TANC2: variants seen among roughly 807,000 people sequenced by gnomAD.
TANC2 encodes the protein tetratricopeptide repeat, ankyrin repeat and coiled-coil containing 2.
Under a neutral mutation model 210.5 loss-of-function variants are expected in TANC2, and 26 were observed. The observed-to-expected ratio is 0.12, with a 90% CI of 0.09 to 0.17. The LOEUF is 0.17. Ranked by LOEUF, TANC2 falls within the 10% of genes least tolerant of loss-of-function variation. The pLI is 1.00. For synonymous variants in TANC2, 931 were observed against 967.1 expected, an observed-to-expected ratio of 0.96 and a Z score of 0.69; for missense variants, 2,129 against 2,608.9, an observed-to-expected ratio of 0.82 and a Z score of 4.01.
chr17:63,241,691 C>T (rs748725025), intron 8 of TANC2, among the ~76,000 whole-genome samples: 7 of 152,132 alleles, frequency 4.6e-5, no homozygotes, highest in African/African-American at 1.4e-4. Context: ...AGTCACCCCT[C>T]GGCGATGCAT....
chr17:63,392,379 A>G (rs1348449483), intron 17 of TANC2, among the ~76,000 whole-genome samples: 4 of 152,102 alleles, frequency 2.6e-5, no homozygotes, highest in Non-Finnish European at 2.9e-5. Context: ...TGGATTTTCA[A>G]AGTCTGCTAA....
chr17:63,156,044 T>A (rs1222967031), intron 5 of TANC2, among the ~76,000 whole-genome samples: 2 of 152,164 alleles, frequency 1.3e-5, no homozygotes, highest in Non-Finnish European at 2.9e-5. Flanking sequence ...GAGAACATTA[T>A]AAAATGTTAT....
intron 4 of TANC2, among the ~76,000 whole-genome samples, chr17:63,115,435 T>C (rs2038215187): frequency 6.6e-6 from 1 of 152,194 alleles, no homozygotes; most frequent in Non-Finnish European, 1.5e-5. Flanking sequence ...TCTGAAGACA[T>C]TTATAAGTCA....
intron 1 of TANC2, among the ~76,000 whole-genome samples, chr17:62,969,752 A>C (rs967907227): frequency 1.3e-5 from 2 of 152,072 alleles, no homozygotes; most frequent in African/African-American, 4.8e-5. Context: ...CAGCCTTTTT[A>C]AGAGCACCAG....
intron 11 of TANC2, among the ~76,000 whole-genome samples, chr17:63,322,376 T>C (rs2045522393): frequency 6.6e-6 from 1 of 152,128 alleles, no homozygotes; most frequent in Non-Finnish European, 1.5e-5. Flanking sequence ...CGGGCGCCTG[T>C]AGTCCCAGCT....
At chr17:63,288,630 A>G (rs943304146) in intron 9 of TANC2, among the ~76,000 whole-genome samples, 1 of 152,202 alleles carries the variant, frequency 6.6e-6, no homozygotes, top group African/African-American at 2.4e-5. Flanking sequence ...TGAAATCTAT[A>G]TATGAGATCT....
chr17:63,252,294 C>T (rs1250531710), intron 8 of TANC2, among the ~76,000 whole-genome samples: 1 of 151,944 alleles, frequency 6.6e-6, no homozygotes, highest in Non-Finnish European at 1.5e-5. Flanking sequence ...TTGATACAGG[C>T]ATACAATATG....
At chr17:63,050,343 C>A (rs2035536340) in intron 2 of TANC2, among the ~76,000 whole-genome samples, 1 of 141,844 alleles carries the variant, frequency 7.1e-6, no homozygotes. Flanking sequence ...GGCAACAGAG[C>A]AAGACCCTGT....
intron 9 of TANC2, among the ~76,000 whole-genome samples, chr17:63,278,528 G>A (rs2043963428): frequency 6.6e-6 from 1 of 152,088 alleles, no homozygotes; most frequent in African/African-American, 2.4e-5. Flanking sequence ...CACTGTTGGT[G>A]GGAATGTAAA....
chr17:63,071,303 A>G (rs1598351954), intron 2 of TANC2, among the ~76,000 whole-genome samples: 1 of 151,516 alleles, frequency 6.6e-6, no homozygotes, highest in Admixed American at 6.6e-5. Flanking sequence ...TTTTTTTTTT[A>G]AAGAGTCAAG....
At chr17:63,135,377 TCAA>T (rs1326221499) in intron 4 of TANC2, among the ~76,000 whole-genome samples, 2 of 152,182 alleles carry the variant, frequency 1.3e-5, no homozygotes, top group Non-Finnish European at 2.9e-5. Context: ...TGAGAGTTAC[TCAA>T]CAAAGAAAGA....
chr17:63,388,597 C>G, intron 15 of TANC2, 38 bp from the exon 16 acceptor site: 2 of 1,564,780 alleles, frequency 1.3e-6, no homozygotes, highest in Non-Finnish European at 1.7e-6. Flanking sequence ...CTTTTTTTTG[C>G]TGGGCTACTA....
At chr17:63,105,559 T>A (rs1201165952) in intron 4 of TANC2, among the ~76,000 whole-genome samples, 1 of 151,712 alleles carries the variant, frequency 6.6e-6, no homozygotes, top group African/African-American at 2.4e-5. Flanking sequence ...TGTGGTGAAT[T>A]TTATGATGGG....
At chr17:63,385,381 T>C (rs547155147) in intron 15 of TANC2, among the ~76,000 whole-genome samples, 28 of 152,334 alleles carry the variant, frequency 1.8e-4, no homozygotes, top group African/African-American at 6.3e-4. Context: ...ACAGCTAAGC[T>C]TCCTGGTCTT....
At chr17:63,375,225 T>A (rs2047388423) in intron 14 of TANC2, among the ~76,000 whole-genome samples, 1 of 152,198 alleles carries the variant, frequency 6.6e-6, no homozygotes, top group Non-Finnish European at 1.5e-5. Flanking sequence ...ATCAGAACCA[T>A]CCTTTTAGTA....
chr17:63,025,807 AAAATAAAATT>A (rs1406051369), intron 2 of TANC2, among the ~76,000 whole-genome samples: 3,000 of 98,138 alleles, frequency 0.031, 103 homozygotes, highest in African/African-American at 0.1. Context: ...AAAATAAAAT[AAAATAAAATT>A]AAATTAAAAT....
At chr17:63,160,022 A>G (rs1469859768) in intron 5 of TANC2, among the ~76,000 whole-genome samples, 2 of 152,264 alleles carry the variant, frequency 1.3e-5, no homozygotes, top group African/African-American at 4.8e-5. Context: ...GTGTCCTCAC[A>G]TGCTTTTCCT....
intron 4 of TANC2, among the ~76,000 whole-genome samples, chr17:63,144,602 T>C (rs2145343254): frequency 6.6e-6 from 1 of 152,284 alleles, no homozygotes; most frequent in South Asian, 2.1e-4. Flanking sequence ...TTGGAGTATG[T>C]CGAGTAGGGA....
chr17:63,006,749 G>A (rs2033640634), intron 1 of TANC2, among the ~76,000 whole-genome samples: 1 of 151,700 alleles, frequency 6.6e-6, no homozygotes, highest in Non-Finnish European at 1.5e-5. Context: ...TTCAAGTCTA[G>A]TTATTTAATT....
Sources: gnomAD v4.1 joint callset for allele counts (sites outside exome capture counted in the v4.1 genomes callset) on GRCh38, gnomAD v4.1.1 for gene constraint, MANE v1.5 for transcripts, NCBI Gene and HGNC (gene_info 2026-07-23, HGNC 2026-07-21) for gene names.